Variants in GLT8D2 observed in about 807,000 individuals in gnomAD.
GLT8D2 encodes glycosyltransferase 8 domain-containing protein 2.
Under a neutral mutation model 44.5 loss-of-function variants are expected in GLT8D2, and 45 were observed. The observed-to-expected ratio is 1.01, with a 90% confidence interval of 0.80 to 1.30. The LOEUF (loss-of-function observed/expected upper bound fraction) is 1.30, where lower values mean the gene tolerates loss of function less well. Ranked by LOEUF, GLT8D2 falls within the 50% of genes most tolerant of loss-of-function variation. The pLI is 0.00. For missense variants in GLT8D2, 400 were observed against 430.4 expected (o/e 0.93, Z 0.62); for synonymous variants, 156 against 157.2 (o/e 0.99, Z 0.06).
At chr12:104,056,861 T>C (rs1168768408) in intron 1 of GLT8D2, among the ~76,000 whole-genome samples, 1 of 152,250 alleles carries the variant, frequency 6.6e-6, no homozygotes, top group African/African-American at 2.4e-5. Flanking sequence ...TGTTATTTAG[T>C]TATGCACAGA....
At chr12:104,046,667 G>A (rs537614817) in intron 1 of GLT8D2, among the ~76,000 whole-genome samples, 11 of 152,320 alleles carry the variant, frequency 7.2e-5, no homozygotes, top group Non-Finnish European at 1.3e-4. Flanking sequence ...AAGCTACAAA[G>A]TCATTAACAG....
intron 4 of GLT8D2, among the ~76,000 whole-genome samples, chr12:104,004,012 A>G (rs555353618): frequency 1.3e-5 from 2 of 152,292 alleles, no homozygotes; most frequent in Admixed American, 6.5e-5. Flanking sequence ...CCAGCAGCAC[A>G]TCAAAAAGCT....
At chr12:103,993,056 G>T (rs1242230821) in intron 10 of GLT8D2, among the ~76,000 whole-genome samples, 1 of 152,122 alleles carries the variant, frequency 6.6e-6, no homozygotes, top group Admixed American at 6.5e-5. Flanking sequence ...TTGCGGCCGG[G>T]CATGGTGGCT....
chr12:104,041,074 C>G (rs1880497923), intron 1 of GLT8D2, among the ~76,000 whole-genome samples: 2 of 151,854 alleles, frequency 1.3e-5, no homozygotes, highest in South Asian at 4.1e-4. Context: ...CGAGACCAGC[C>G]TGGCCAACAT....
At position 104,021,441 on chromosome 12, in the gene GLT8D2, C is replaced by G. The variant is rs1877614983; in HGVS notation, c.-113G>C. 1 of 152,558 alleles carries G rather than the reference C, an allele frequency of 6.6e-6. No individual in the cohort carries two copies. Among genetic ancestry groups the G allele is most frequent in the Non-Finnish European group, 1.5e-5 (1 of 68,306 alleles). 9.5% of individuals were successfully genotyped at this position (152,558 alleles called of 1,614,324 possible). A position where few individuals can be genotyped will look rare whatever the true frequency, so the allele number is the denominator to read the frequency against. On this transcript the variant is annotated 5_prime_UTR_variant, in exon 2 of 11. Coordinates refer to ENST00000360814, the MANE Select transcript of GLT8D2 (RefSeq NM_001384711.1). ...ACTCAGCTCACAATCTTCTTCCACG[C>G]TCTGCACCTTCTAACCTCAGCCCAC...
intron 6 of GLT8D2, 162 bp downstream of exon 6, chr12:103,999,235 T>G: frequency 1.7e-6 from 1 of 581,776 alleles, no homozygotes; most frequent in East Asian, 2.6e-5. Flanking sequence ...ATCCTTTCTG[T>G]AGCAGCTGGC....
chr12:104,016,770 A>AAGGAAGGAAGGAAG (rs1566199626), intron 3 of GLT8D2, among the ~76,000 whole-genome samples: 1 of 67,878 alleles, frequency 1.5e-5, no homozygotes, highest in African/African-American at 6.9e-5. Flanking sequence ...AAAGAAAGAA[A>AAGGAAGGAAGGAAG]GAAAGAAGGA....
intron 1 of GLT8D2, among the ~76,000 whole-genome samples, chr12:104,037,114 A>G (rs541199361): frequency 6.6e-6 from 1 of 152,338 alleles, no homozygotes; most frequent in African/African-American, 2.4e-5. Flanking sequence ...TTTGAAACCA[A>G]TGAGAACAAA....
upstream of GLT8D2, among the ~76,000 whole-genome samples, chr12:104,053,333 T>A (rs1256333492): frequency 7.2e-5 from 11 of 152,242 alleles, no homozygotes. Flanking sequence ...TTGTTATGTA[T>A]GACTTAGATG....
chr12:104,014,950 A>G (rs1876359162), intron 4 of GLT8D2, 63 bp downstream of exon 4: 1 of 1,164,604 alleles, frequency 8.6e-7, no homozygotes, highest in Admixed American at 1.8e-5. Flanking sequence ...GAAAGGACCT[A>G]GAGGAACATA....
Position 103,989,684 on chromosome 12 carries a change from G to A in GLT8D2, c.881-107C>T, listed in dbSNP as rs1253012422. ...TTAAAAAAAGGTAAACAAATAAAAAGGTTATACAGTGAATTTTCTACCCAC... is the reference window on the plus strand; with the variant it reads ...TTAAAAAAAGGTAAACAAATAAAAAAGTTATACAGTGAATTTTCTACCCAC... On this transcript the variant is annotated intron_variant, in intron 10 of 10. Coordinates refer to ENST00000360814, the MANE Select transcript of GLT8D2 (RefSeq NM_001384711.1). 9 of 1,016,266 alleles carry A rather than the reference G, an allele frequency of 8.9e-6. No homozygotes were observed. The East Asian group carries it at 2.3e-4, about 26-fold the overall frequency. The allele number at this position is 1,016,266 out of a possible 1,614,324, so 63.0% of individuals were successfully genotyped here.
chr12:104,017,141 T>C (rs1407267571), intron 3 of GLT8D2, among the ~76,000 whole-genome samples: 1 of 152,210 alleles, frequency 6.6e-6, no homozygotes, highest in African/African-American at 2.4e-5. Context: ...TCAATCTTTC[T>C]GATTTTATGT....
At chr12:104,048,621 T>C (rs1881414981) in intron 1 of GLT8D2, among the ~76,000 whole-genome samples, 1 of 152,012 alleles carries the variant, frequency 6.6e-6, no homozygotes. Context: ...AAGAGAGGTG[T>C]CTGAAGGAAG....
At position 103,989,120 on chromosome 12, in the gene GLT8D2, T is replaced by C. The variant is rs767661523; in HGVS notation, c.*288A>G. ...TGTAGAAGTTTTAAAAATTTGTGGA[T>C]ATAATTGTCATTCAGAATTAAGCAG... is the stretch of plus-strand genomic sequence containing the variant. On this transcript the variant is annotated 3_prime_UTR_variant, in exon 11 of 11. Transcript: ENST00000360814. 3.9e-5 allele frequency: 9 copies of C among 229,326 alleles called. No homozygotes were observed. Among genetic ancestry groups the C allele is most frequent in the Non-Finnish European group, 6.7e-5 (8 of 119,516 alleles). The allele number at this position is 229,326 out of a possible 1,614,324, so 14.2% of individuals were successfully genotyped here.
intron 1 of GLT8D2, among the ~76,000 whole-genome samples, chr12:104,045,957 A>AG (rs1566213383): frequency 5.0e-5 from 6 of 119,278 alleles, no homozygotes; most frequent in Non-Finnish European, 9.0e-5. Flanking sequence ...AAGAAAGAAA[A>AG]TAAGAAAGAA....
intron 1 of GLT8D2, among the ~76,000 whole-genome samples, chr12:104,033,199 T>TTCC (rs1879523836): frequency 6.6e-6 from 1 of 150,520 alleles, no homozygotes; most frequent in South Asian, 2.1e-4. Context: ...CTATTCAGAA[T>TTCC]AGCCAAGATA....
At chr12:104,009,923 A>G (rs1050895430) in intron 4 of GLT8D2, among the ~76,000 whole-genome samples, 2 of 152,168 alleles carry the variant, frequency 1.3e-5, no homozygotes, top group East Asian at 3.8e-4. Flanking sequence ...GTGGAACTGT[A>G]AGTCCAATTA....
Position 104,003,235 on chromosome 12 carries a change from T to A in GLT8D2, c.184A>T (p.Met62Leu), listed in dbSNP as rs374391507. Residue 62 changes from methionine to leucine, a missense_variant, in exon 5 of 11, where the codon ATG (methionine) becomes TTG (leucine). By Grantham distance (15) the Met-to-Leu change is conservative. Coordinates refer to ENST00000360814, the MANE Select transcript of GLT8D2 (RefSeq NM_001384711.1). ...PVVICAAAGR[M>L]GATMAAINSI... ...TTGATGGCAGCCATAGTGGCACCCATCCTCCCTGCTGCAGCACAAATCACC... is the reference window on the plus strand; with the variant it reads ...TTGATGGCAGCCATAGTGGCACCCAACCTCCCTGCTGCAGCACAAATCACC... 6.2e-7 allele frequency: 1 copy of A among 1,614,052 alleles called. No individual in the cohort carries two copies. Among genetic ancestry groups the A allele is most frequent in the African/African-American group, 1.3e-5 (1 of 75,010 alleles).
chr12:104,014,902 G>T, intron 4 of GLT8D2, 111 bp downstream of exon 4: 1 of 719,874 alleles, frequency 1.4e-6, no homozygotes, highest in Non-Finnish European at 2.4e-6. Context: ...GTCCTTGGGA[G>T]TTGACCAAAC....
Sources: allele counts gnomAD v4.1 joint callset (sites outside exome capture counted in the v4.1 genomes callset), GRCh38; gene constraint gnomAD v4.1.1; transcripts MANE v1.5; gene names NCBI Gene and HGNC (gene_info 2026-07-23, HGNC 2026-07-21).